NIBAN3: variants seen among roughly 807,000 people sequenced by gnomAD.
NIBAN3 encodes niban apoptosis regulator 3.
A neutral mutation model predicts 76.4 loss-of-function variants in NIBAN3; 66 were observed. The ratio of observed to expected loss-of-function variants is 0.86; its 90% CI spans 0.71 to 1.06. NIBAN3 has a LOEUF of 1.06. Among genes scored for constraint, NIBAN3 ranks in the 50% least tolerant of loss-of-function variants. The pLI is 0.00. For synonymous variants in NIBAN3, 360 were observed against 355.2 expected, an observed-to-expected ratio of 1.01 and a Z score of -0.15; for missense variants, 808 against 810.7, an observed-to-expected ratio of 1.00 and a Z score of 0.04.
At chr19:17,543,906 C>T (rs958286406) in intron 12 of NIBAN3, 18 of 230,588 alleles carry the variant, frequency 7.8e-5, no homozygotes, top group Non-Finnish European at 1.5e-4. Flanking sequence ...GCAGGAAAAT[C>T]GCTTGAACCC....
rs1321270482 is a variant in NIBAN3, at chr19:17,539,739, G to A, written c.953G>A (p.Arg318Gln). Residue 318 changes from arginine to glutamine, a missense_variant, in exon 8 of 15, where the codon CGG (arginine) becomes CAG (glutamine). Coordinates refer to ENST00000599164, the MANE Select transcript of NIBAN3 (RefSeq NM_001321827.2). The part of the protein sequence containing the change: ...RPDVDQLLRQ[R>Q]ARVAGRLRTD... ...GACGTGGACCAGCTGCTGCGGCAGC[G>A]GGCGCGTGTGGCGGGGCGGCTGAGG... 1.2e-5 allele frequency: 19 copies of A among 1,539,404 alleles called. No homozygotes were observed. Among genetic ancestry groups the A allele is most frequent in the Admixed American group, 2.0e-5 (1 of 50,986 alleles).
intron 8 of NIBAN3, 165 bp from the exon 9 acceptor site, chr19:17,540,227 C>T (rs1384912178): frequency 8.1e-5 from 39 of 478,608 alleles, no homozygotes; most frequent in South Asian, 5.4e-4. Flanking sequence ...AGGTGGGAAT[C>T]CTGACTGGGC....
chr19:17,523,913 C>T (rs563685615), upstream of NIBAN3, among the ~76,000 whole-genome samples: 5 of 152,152 alleles, frequency 3.3e-5, no homozygotes, highest in African/African-American at 9.6e-5. Flanking sequence ...TGGGGGGACA[C>T]GGTCTTGCTC....
chr19:17,553,045 A>G lies in NIBAN3; in HGVS notation c.*1147A>G. 1 of 310,302 alleles carries G rather than the reference A, an allele frequency of 3.2e-6. No homozygotes were observed. Among genetic ancestry groups the G allele is most frequent in the South Asian group, 3.7e-5 (1 of 27,236 alleles). 19.2% of individuals were successfully genotyped at this position (310,302 alleles called of 1,614,324 possible). ...AGTGGTGATTGCACCACTGCACTCC[A>G]GCCTGGGTGATGGGAGTGAGACCCT... is the stretch of plus-strand genomic sequence containing the variant. On this transcript the variant is annotated 3_prime_UTR_variant, in exon 15 of 15. Transcript: ENST00000599164.
intron 12 of NIBAN3, among the ~76,000 whole-genome samples, chr19:17,544,647 T>C (rs1421011232): frequency 1.3e-5 from 2 of 152,146 alleles, no homozygotes; most frequent in African/African-American, 4.8e-5. Flanking sequence ...GGAGGAACAG[T>C]GACAAGGTGG....
chr19:17,540,608 G>C, intron 9 of NIBAN3, 26 bp downstream of exon 9: 6 of 1,417,008 alleles, frequency 4.2e-6, no homozygotes, highest in Non-Finnish European at 5.6e-6. Flanking sequence ...TAGGGGTTCA[G>C]TGAGCCAGAG....
upstream of NIBAN3, among the ~76,000 whole-genome samples, chr19:17,523,630 T>C (rs1031546644): frequency 4.6e-5 from 7 of 152,224 alleles, no homozygotes; most frequent in Non-Finnish European, 8.8e-5. Flanking sequence ...CACCATCTCC[T>C]ACTCTTTGCG....
rs1429113204 is a variant in NIBAN3, at chr19:17,546,858, C to A, written c.1666+61C>A. The A allele has an allele frequency of 7.2e-6, 11 of 1,536,804 alleles. No homozygotes were observed. In the South Asian group the frequency reaches 1.2e-4, roughly 17 times the overall value. On this transcript the variant is annotated intron_variant, in intron 13 of 14. Coordinates refer to ENST00000599164, the MANE Select transcript of NIBAN3 (RefSeq NM_001321827.2). The stretch of plus-strand genomic sequence containing the variant: ...GCGTCCCTTGGCTGTATGTACCGAG[C>A]CCCACCAGGGCCACATCGACTCTCA...
intron 12 of NIBAN3, among the ~76,000 whole-genome samples, chr19:17,544,229 G>A (rs11665720): frequency 0.042 from 6,284 of 150,326 alleles, 196 homozygotes; most frequent in Non-Finnish European, 0.061. Context: ...CTAGGAAGTC[G>A]AGGCTGCAGT....
chr19:17,530,836 G>C lies in NIBAN3; in HGVS notation c.137G>C (p.Arg46Pro), dbSNP rs140895055. 2.5e-6 allele frequency: 4 copies of C among 1,613,654 alleles called. No individual in the cohort carries two copies. The highest frequency in any genetic ancestry group is 1.1e-5 in the South Asian group (1 of 91,078). ...LAASVLRQIS[R>P]ELGPQEPTGS... ...GCGTCTGTCCTGCGGCAGATCTCTC[G>C]AGAGCTGGGCCCTCAGGAGCCGACC... Residue 46 changes from arginine to proline, a missense_variant, in exon 2 of 15, where the codon CGA becomes CCA. Transcript: ENST00000599164.
chr19:17,546,863 C>T, intron 13 of NIBAN3, 66 bp downstream of exon 13: 5 of 1,529,284 alleles, frequency 3.3e-6, no homozygotes, highest in Non-Finnish European at 4.4e-6. Flanking sequence ...CCGAGCCCCA[C>T]CAGGGCCACA....
At chr19:17,547,760 TG>T (rs1236522954) in intron 13 of NIBAN3, among the ~76,000 whole-genome samples, 1 of 152,020 alleles carries the variant, frequency 6.6e-6, no homozygotes, top group Non-Finnish European at 1.5e-5. Flanking sequence ...CTCCGCCTCC[TG>T]GGTTCAAGCC....
At position 17,539,379 on chromosome 19, in the gene NIBAN3, T is replaced by A. The variant is rs1477416740; in HGVS notation, c.744T>A (p.Leu248=). 4 of 1,541,698 alleles carry A rather than the reference T, an allele frequency of 2.6e-6. No individual in the cohort carries two copies. In the South Asian group the frequency reaches 4.8e-5, roughly 18 times the overall value. The change falls in exon 7 of 15, where the codon CTT becomes CTA. Residue 248 remains leucine (L), a synonymous_variant. Transcript: ENST00000599164. ...CCGCGGTGCTGATGCGGGAGCAACT[T>A]CCCGCGCTGCGAGCCCAGACCCTTC... The part of the protein sequence containing the change: ...VLTAVLMREQ[L]PALRAQTLPG...
rs771916611 is a variant in NIBAN3 at position 17,533,709 on chromosome 19, T to A, written c.427+8T>A. On this transcript the variant is annotated splice_region_variant and intron_variant, in intron 4 of 14. Coordinates refer to ENST00000599164, the MANE Select transcript of NIBAN3 (RefSeq NM_001321827.2). ...TCTGCCCTGAATCCTTGGGTAAGGG[T>A]CCCGGGGTTCCCAGGAACAGGTTTC... 4 of 1,600,930 alleles carry A rather than the reference T, an allele frequency of 2.5e-6. No homozygotes were observed. In the East Asian group the frequency reaches 8.9e-5, roughly 36 times the overall value.
chr19:17,539,487 G>A, intron 7 of NIBAN3, 36 bp downstream of exon 7: 1 of 1,458,320 alleles, frequency 6.9e-7, no homozygotes, highest in Non-Finnish European at 9.1e-7. Context: ...TAGGGGGCGG[G>A]ATGCGGGCGT....
At chr19:17,523,336 G>A, upstream of NIBAN3, 1 of 1,063,240 alleles carries the variant, frequency 9.4e-7, no homozygotes, top group East Asian at 2.8e-5. Flanking sequence ...CCTGCGCAGA[G>A]GCGGCTGTGC....
At chr19:17,543,948 C>T (rs908848334) in intron 12 of NIBAN3, 25 of 175,810 alleles carry the variant, frequency 1.4e-4, no homozygotes, top group Middle Eastern at 2.4e-3. Flanking sequence ...GCCGAGATCG[C>T]GCCATTGCAC....
At chr19:17,524,609 G>A (rs1011053234), upstream of NIBAN3, among the ~76,000 whole-genome samples, 2 of 152,208 alleles carry the variant, frequency 1.3e-5, no homozygotes, top group African/African-American at 4.8e-5. Flanking sequence ...TTTTTTAAAA[G>A]AAGAAATGAA....
At chr19:17,526,300 G>A (rs1342576118), upstream of NIBAN3, among the ~76,000 whole-genome samples, 4 of 150,242 alleles carry the variant, frequency 2.7e-5, no homozygotes, top group Non-Finnish European at 5.9e-5. Flanking sequence ...GCGACAGTGC[G>A]AGAGTCTGTC....
Sources: gnomAD v4.1 joint callset for allele counts (sites outside exome capture counted in the v4.1 genomes callset) on GRCh38, gnomAD v4.1.1 for gene constraint, MANE v1.5 for transcripts, NCBI Gene and HGNC (gene_info 2026-07-23, HGNC 2026-07-21) for gene names.